The following ARHGDIB variants were observed in gnomAD, a reference collection of about 807,000 sequenced individuals.
ARHGDIB encodes rho GDP-dissociation inhibitor 2.
ARHGDIB carries 20 observed loss-of-function variants against 22.6 expected under a neutral mutation model. The ratio of observed to expected loss-of-function variants is 0.88; its 90% CI spans 0.62 to 1.28. ARHGDIB has a LOEUF of 1.28. Ranked by LOEUF, ARHGDIB falls within the 50% of genes most tolerant of loss-of-function variation. The probability of loss-of-function intolerance (pLI) is 0.00; values close to 1 mark genes in which losing one functional copy is unlikely to be tolerated. For synonymous variants in ARHGDIB, 114 were observed against 96.1 expected, an observed-to-expected ratio of 1.19 and a Z score of -1.09; for missense variants, 254 against 245.4, an observed-to-expected ratio of 1.04 and a Z score of -0.23.
rs953105967 is a variant in ARHGDIB at position 14,942,427 on chromosome 12, G to A, written c.*95C>T. On this transcript the variant is annotated 3_prime_UTR_variant, in exon 6 of 6. Transcript: ENST00000228945. Reference sequence around the variant, plus strand: ...TAAGGAAATGTGGCAGTGTTGAAGAGGGACCCAGCTGTGGACAGGGAGGAG... The same window carrying A: ...TAAGGAAATGTGGCAGTGTTGAAGAAGGACCCAGCTGTGGACAGGGAGGAG... 2 of 1,349,946 alleles carry A rather than the reference G, an allele frequency of 1.5e-6. No individual in the cohort carries two copies. Among genetic ancestry groups the A allele is most frequent in the African/African-American group, 2.9e-5 (2 of 69,878 alleles). The allele number at this position is 1,349,946 out of a possible 1,614,324, so 83.6% of individuals were successfully genotyped here.
At chr12:14,954,138 T>C (rs1864247352) in intron 1 of ARHGDIB, among the ~76,000 whole-genome samples, 1 of 152,102 alleles carries the variant, frequency 6.6e-6, no homozygotes, top group Admixed American at 6.6e-5. Flanking sequence ...GCCACCTGCC[T>C]GGCTAATTTT....
intron 3 of ARHGDIB, chr12:14,948,695 G>A (rs1041599449): frequency 3.9e-5 from 6 of 152,184 alleles, no homozygotes; most frequent in Admixed American, 3.3e-4. Flanking sequence ...TGCTGGGAAA[G>A]GGGACAGAGA....
At chr12:14,960,219 C>G (rs985024677) in intron 1 of ARHGDIB, among the ~76,000 whole-genome samples, 1 of 152,194 alleles carries the variant, frequency 6.6e-6, no homozygotes, top group African/African-American at 2.4e-5. Flanking sequence ...GCTTGCCAGA[C>G]ACACACCTCA....
chr12:14,960,545 C>T (rs1474017326), intron 1 of ARHGDIB, among the ~76,000 whole-genome samples: 3 of 152,112 alleles, frequency 2.0e-5, no homozygotes, highest in African/African-American at 7.2e-5. Flanking sequence ...CTCTTGTTGC[C>T]CATGCTGGAG....
chr12:14,951,733 C>A (rs553113768), intron 1 of ARHGDIB, among the ~76,000 whole-genome samples: 1 of 150,766 alleles, frequency 6.6e-6, no homozygotes, highest in African/African-American at 2.4e-5. Flanking sequence ...AAGTTATTTA[C>A]CTGTTAAGGG....
chr12:14,945,115 C>T (rs531996535), intron 4 of ARHGDIB, among the ~76,000 whole-genome samples: 1 of 152,104 alleles, frequency 6.6e-6, no homozygotes, highest in Non-Finnish European at 1.5e-5. Flanking sequence ...AACATTGGCC[C>T]AATATTCTTC....
In ARHGDIB at chr12:14,942,411, G is replaced by A. The variant is rs1863884400; in HGVS notation, c.*111C>T. The A allele has an allele frequency of 8.8e-6, 10 of 1,132,100 alleles. No individual in the cohort carries two copies. The highest frequency in any genetic ancestry group is 1.3e-5 in the Non-Finnish European group (10 of 764,370). The allele number at this position is 1,132,100 out of a possible 1,614,324, so 70.1% of individuals were successfully genotyped here. A position where few individuals can be genotyped will look rare whatever the true frequency, so the allele number is the denominator to read the frequency against. On this transcript the variant is annotated 3_prime_UTR_variant, in exon 6 of 6. Coordinates refer to ENST00000228945, the MANE Select transcript of ARHGDIB (RefSeq NM_001175.7). ...GGAAAAGATGCATCAATAAGGAAATGTGGCAGTGTTGAAGAGGGACCCAGC... is the reference window on the plus strand; with the variant it reads ...GGAAAAGATGCATCAATAAGGAAATATGGCAGTGTTGAAGAGGGACCCAGC...
chr12:14,952,348 A>G (rs1389980549), intron 1 of ARHGDIB, among the ~76,000 whole-genome samples: 1 of 152,050 alleles, frequency 6.6e-6, no homozygotes, highest in Non-Finnish European at 1.5e-5. Flanking sequence ...CATCTAAATA[A>G]GCAGCCAAAC....
At position 14,942,570 on chromosome 12, in the gene ARHGDIB, G is replaced by C; in HGVS notation, c.558C>G (p.His186Gln). 6.2e-7 allele frequency: 1 copy of C among 1,614,158 alleles called. No homozygotes were observed. The highest frequency in any genetic ancestry group is 8.5e-7 in the Non-Finnish European group (1 of 1,180,022). The change falls in exon 6 of 6, where the codon CAC becomes CAG. Residue 186 changes from histidine to glutamine, a missense_variant. By Grantham distance (24) the His-to-Gln change is conservative. Coordinates refer to ENST00000228945, the MANE Select transcript of ARHGDIB (RefSeq NM_001175.7). ...SFFTDDDKQD[H>Q]LSWEWNLSIK... ...TCGACAGGTTCCACTCCCAGCTGAG[G>C]TGGTCTTGCTTGTCATCGTCGGTGA...
chr12:14,949,650 T>C, intron 3 of ARHGDIB, 152 bp downstream of exon 3: 1 of 673,914 alleles, frequency 1.5e-6, no homozygotes, highest in South Asian at 1.6e-5. Context: ...TGGTAAATAC[T>C]GTGCACTCTA....
chr12:14,959,669 G>C (rs1348276691), intron 1 of ARHGDIB, among the ~76,000 whole-genome samples: 1 of 152,212 alleles, frequency 6.6e-6, no homozygotes, highest in East Asian at 1.9e-4. Context: ...TGACTTTGTG[G>C]TGCTGAGTGT....
chr12:14,948,286 A>G (rs1033081272), intron 3 of ARHGDIB, among the ~76,000 whole-genome samples: 5 of 152,174 alleles, frequency 3.3e-5, no homozygotes, highest in African/African-American at 1.2e-4. Context: ...TCTCTCATTG[A>G]GAATTATATT....
At chr12:14,944,895 C>A in intron 4 of ARHGDIB, 56 bp from the exon 5 acceptor site, 1 of 1,497,856 alleles carries the variant, frequency 6.7e-7, no homozygotes, top group South Asian at 1.2e-5. Context: ...CATTTTTTCT[C>A]ATCTTTCATG....
At chr12:14,958,085 C>G (rs1204604443) in intron 1 of ARHGDIB, among the ~76,000 whole-genome samples, 9 of 152,176 alleles carry the variant, frequency 5.9e-5, no homozygotes, top group Admixed American at 5.9e-4. Flanking sequence ...CAGGCCATCT[C>G]TAAAACACTG....
Position 14,950,590 on chromosome 12 carries a change from A to G in ARHGDIB, c.123T>C (p.Asp41=). The change falls in exon 2 of 6, where the codon GAT becomes GAC. Residue 41 remains aspartate (D), a synonymous_variant. Transcript: ENST00000228945. ...TCTTGTACTTAATTAGACTCTCATC[A>G]TCTTTGTCCATTTCCTGCAGCTCTT... ...SLKELQEMDK[D]DESLIKYKKT... 1.1e-5 allele frequency: 17 copies of G among 1,613,970 alleles called. No individual in the cohort carries two copies. The highest frequency in any genetic ancestry group is 1.4e-5 in the Non-Finnish European group (17 of 1,179,932).
intron 2 of ARHGDIB, 63 bp from the exon 3 acceptor site, chr12:14,949,948 T>G: frequency 7.3e-7 from 1 of 1,369,488 alleles, no homozygotes. Flanking sequence ...GTGTGTGCAT[T>G]TCAAGTGGGA....
At chr12:14,947,071 TAGAG>T (rs1336729016) in intron 4 of ARHGDIB, among the ~76,000 whole-genome samples, 4 of 152,098 alleles carry the variant, frequency 2.6e-5, no homozygotes, top group African/African-American at 9.7e-5. Context: ...AGTGTGCAAA[TAGAG>T]AGAGCAGATG....
At position 14,942,401 on chromosome 12, in the gene ARHGDIB, A is replaced by G; in HGVS notation, c.*121T>C. Reference sequence around the variant, plus strand: ...TGACAGGGTGGGAAAAGATGCATCAATAAGGAAATGTGGCAGTGTTGAAGA... The same window carrying G: ...TGACAGGGTGGGAAAAGATGCATCAGTAAGGAAATGTGGCAGTGTTGAAGA... On this transcript the variant is annotated 3_prime_UTR_variant, in exon 6 of 6. Coordinates refer to ENST00000228945, the MANE Select transcript of ARHGDIB (RefSeq NM_001175.7). 1 of 1,087,140 alleles carries G rather than the reference A, an allele frequency of 9.2e-7. No homozygotes were observed. Among genetic ancestry groups the G allele is most frequent in the Non-Finnish European group, 1.4e-6 (1 of 732,932 alleles). 67.3% of individuals were successfully genotyped at this position (1,087,140 alleles called of 1,614,324 possible). A position where few individuals can be genotyped will look rare whatever the true frequency, so the allele number is the denominator to read the frequency against.
At chr12:14,942,903 T>C (rs866176001) in intron 5 of ARHGDIB, among the ~76,000 whole-genome samples, 182 bp from the exon 6 acceptor site, 16 of 152,170 alleles carry the variant, frequency 1.1e-4, no homozygotes, top group Middle Eastern at 3.4e-3. Context: ...AGTTTTGCTC[T>C]TGTTGTCCAG....
Sources: gnomAD v4.1 joint callset for allele counts (sites outside exome capture counted in the v4.1 genomes callset) on GRCh38, gnomAD v4.1.1 for gene constraint, MANE v1.5 for transcripts, NCBI Gene and HGNC (gene_info 2026-07-23, HGNC 2026-07-21) for gene names.